Variants in PCNX2 observed in about 807,000 individuals in gnomAD.
PCNX2 encodes the protein pecanex 2.
Under a neutral mutation model 223.8 loss-of-function variants are expected in PCNX2, and 168 were observed. The ratio of observed to expected loss-of-function variants is 0.75; its 90% confidence interval spans 0.66 to 0.85. The LOEUF (loss-of-function observed/expected upper bound fraction) is 0.85. PCNX2 is among the 40% of genes least tolerant of loss of function. The pLI, the probability that PCNX2 is intolerant of heterozygous loss-of-function variation, is 0.00. For synonymous variants in PCNX2, 1,006 were observed against 1,052.6 expected, an observed-to-expected ratio of 0.96 and a Z score of 0.86; for missense variants, 2,507 against 2,675.5, an observed-to-expected ratio of 0.94 and a Z score of 1.39.
chr1:233,014,715 G>C lies in PCNX2; in HGVS notation c.4902C>G (p.Cys1634Trp). ...SPLVTLSFAL[C>W]TLGRRALGTA... The stretch of plus-strand genomic sequence containing the variant: ...TTCCCAGAGCTCTCCTCCCCAGGGT[G>C]CACAGGGCGAAGGACAGAGTCACCA... The change falls in exon 28 of 34, where the codon TGC becomes TGG. Residue 1634 changes from cysteine to tryptophan, a missense_variant. Around this residue, in one of 3 missense-constraint regions of PCNX2, gnomAD observed 1,372 missense variants for 1,509.4 expected, o/e 0.91. Transcript: ENST00000258229. The C allele has an allele frequency of 1.9e-6, 3 of 1,614,000 alleles. No individual in the cohort carries two copies. The highest frequency in any genetic ancestry group is 2.5e-6 in the Non-Finnish European group (3 of 1,179,904).
At chr1:233,195,294 T>C (rs1435970112) in intron 15 of PCNX2, among the ~76,000 whole-genome samples, 1 of 152,104 alleles carries the variant, frequency 6.6e-6, no homozygotes, top group Non-Finnish European at 1.5e-5. Flanking sequence ...CTCAGCAAAT[T>C]AGAAATCTAA....
chr1:233,313,140 A>G, the PCNX2 span, among the ~76,000 whole-genome samples: 4 of 152,228 alleles, frequency 2.6e-5, no homozygotes, highest in African/African-American at 9.6e-5. Context: ...GTTTATATGA[A>G]ATTAGAAAAC....
chr1:233,298,882 A>T (rs1033311966), upstream of PCNX2, among the ~76,000 whole-genome samples: 10 of 146,526 alleles, frequency 6.8e-5, no homozygotes, highest in East Asian at 2.2e-3. Context: ...ACTGCATCTC[A>T]AAAACAAACA....
chr1:233,004,855 A>G (rs761982854), intron 28 of PCNX2, among the ~76,000 whole-genome samples: 2 of 152,232 alleles, frequency 1.3e-5, no homozygotes, highest in Non-Finnish European at 2.9e-5. Context: ...AAACAGGAAC[A>G]GCCAGGGGCT....
In PCNX2 at chr1:233,262,606, A is replaced by G. The variant is rs562072843; in HGVS notation, c.359+352T>C. On this transcript the variant is annotated intron_variant, in intron 2 of 33. Transcript: ENST00000258229. ...CTATGTAATGTATTACTTTTATATC[A>G]ACAAACACAAATGCTGTTCTTTAAA... Among the ~76,000 whole-genome samples the G allele has an allele frequency of 3.3e-4, 51 of 152,324 alleles. No homozygotes were observed. The South Asian group carries it at 0.01, about 31-fold the overall frequency.
intron 30 of PCNX2, chr1:232,999,620 A>AT: frequency 2.2e-6 from 1 of 449,522 alleles, no homozygotes; most frequent in Non-Finnish European, 3.9e-6. Flanking sequence ...CACCTGGCTA[A>AT]TTTTGTATTT....
intron 17 of PCNX2, among the ~76,000 whole-genome samples, chr1:233,168,297 AT>A (rs1678923578): frequency 6.6e-6 from 1 of 152,084 alleles, no homozygotes; most frequent in Non-Finnish European, 1.5e-5. Flanking sequence ...CAGTATTAGT[AT>A]TTTTGTGTTT....
At chr1:233,147,606 G>C (rs1453921331) in intron 19 of PCNX2, among the ~76,000 whole-genome samples, 3 of 152,048 alleles carry the variant, frequency 2.0e-5, no homozygotes, top group Non-Finnish European at 4.4e-5. Flanking sequence ...TTATGTGTAA[G>C]TGGACCACAC....
chr1:233,081,042 C>T (rs1673334117), intron 23 of PCNX2, among the ~76,000 whole-genome samples: 1 of 152,088 alleles, frequency 6.6e-6, no homozygotes, highest in Admixed American at 6.6e-5. Context: ...TCTCAAATCA[C>T]CCATTTAAAA....
chr1:233,031,060 A>G (rs1671246450), intron 25 of PCNX2, among the ~76,000 whole-genome samples: 1 of 152,242 alleles, frequency 6.6e-6, no homozygotes, highest in African/African-American at 2.4e-5. Context: ...CTCTGGGCAG[A>G]AAGTGGAGGC....
At position 233,273,376 on chromosome 1, in the gene PCNX2, C is replaced by A. The variant is rs954869252; in HGVS notation, c.154-10213G>T. ...CTCAAAGTGGGAGGGTCCTTAGAGG[C>A]TGGGCTAGAAGGGATCCCTGTGCAA... On this transcript the variant is annotated intron_variant, in intron 1 of 33. Coordinates refer to ENST00000258229, the MANE Select transcript of PCNX2 (RefSeq NM_014801.4). Among the ~76,000 whole-genome samples the A allele has an allele frequency of 2.0e-5, 3 of 151,910 alleles. No individual in the cohort carries two copies. The South Asian group carries it at 6.2e-4, about 32-fold the overall frequency.
intron 5 of PCNX2, among the ~76,000 whole-genome samples, chr1:233,256,286 T>G (rs1418124331): frequency 6.6e-6 from 1 of 152,118 alleles, no homozygotes; most frequent in Non-Finnish European, 1.5e-5. Flanking sequence ...ATAGCAAAAT[T>G]TTTCACATAT....
intron 25 of PCNX2, among the ~76,000 whole-genome samples, chr1:233,038,650 G>A (rs4142449): frequency 0.23 from 35,086 of 152,100 alleles, 4,608 homozygotes; most frequent in African/African-American, 0.36. Flanking sequence ...TACTCAATTT[G>A]TAAGACCTAA....
intron 13 of PCNX2, chr1:233,202,180 A>T (rs1226968385): frequency 2.1e-6 from 1 of 467,198 alleles, no homozygotes; most frequent in South Asian, 1.6e-5. Flanking sequence ...TGACACTTGA[A>T]ATTGCTGAAA....
intron 1 of PCNX2, among the ~76,000 whole-genome samples, chr1:233,292,849 A>G (rs572421792): frequency 3.9e-5 from 6 of 152,350 alleles, no homozygotes; most frequent in Admixed American, 3.3e-4. Context: ...GTAGCATAAC[A>G]GTAACTGTAC....
intron 12 of PCNX2, among the ~76,000 whole-genome samples, chr1:233,217,134 C>A (rs1657000297): frequency 6.6e-6 from 1 of 151,974 alleles, no homozygotes; most frequent in African/African-American, 2.4e-5. Flanking sequence ...TTCTGAAGAT[C>A]TTCTGTATAG....
Position 233,120,543 on chromosome 1 carries a change from T to C in PCNX2, c.3837+14470A>G, listed in dbSNP as rs141403639. Among the ~76,000 whole-genome samples the C allele has an allele frequency of 2.4e-3, 365 of 152,338 alleles. 2 individuals are homozygous for C. Among genetic ancestry groups the C allele is most frequent in the Admixed American group, 7.1e-3 (108 of 15,302 alleles). On this transcript the variant is annotated intron_variant, in intron 21 of 33. Coordinates refer to ENST00000258229, the MANE Select transcript of PCNX2 (RefSeq NM_014801.4). Reference sequence around the variant, plus strand: ...CACTCTGGCATTTTCCATAAAAATTTAGCATGGAACTACCTACGGCAAAAG... The same window carrying C: ...CACTCTGGCATTTTCCATAAAAATTCAGCATGGAACTACCTACGGCAAAAG...
At chr1:233,002,923 A>G (rs1191983962) in intron 28 of PCNX2, among the ~76,000 whole-genome samples, 1 of 152,238 alleles carries the variant, frequency 6.6e-6, no homozygotes, top group African/African-American at 2.4e-5. Flanking sequence ...CCTATTTAAT[A>G]AATGGTATTG....
chr1:233,139,314 C>A lies in PCNX2; in HGVS notation c.3659+400G>T, dbSNP rs1261759512. On this transcript the variant is annotated intron_variant, in intron 20 of 33. Coordinates refer to ENST00000258229, the MANE Select transcript of PCNX2 (RefSeq NM_014801.4). The surrounding 1 kb of genome is among the most constrained non-coding windows in gnomAD (Gnocchi z 4.4). ...GACAGTGATTAATTTCCCCCTCCCA[C>A]AAGCACAAAATGATAGAGTATTTGC... Among the ~76,000 whole-genome samples the A allele has an allele frequency of 6.6e-6, 1 of 152,104 alleles. No homozygotes were observed. Among genetic ancestry groups the A allele is most frequent in the Non-Finnish European group, 1.5e-5 (1 of 68,034 alleles).
Sources: gnomAD v4.1 joint callset for allele counts (sites outside exome capture counted in the v4.1 genomes callset) on GRCh38, gnomAD v4.1.1 for gene constraint, gnomAD v4.1.1 regional missense constraint, Gnocchi (gnomAD v3.1) non-coding constraint, MANE v1.5 for transcripts, NCBI Gene and HGNC (gene_info 2026-07-23, HGNC 2026-07-21) for gene names.